MAP7: variants seen among roughly 807,000 people sequenced by gnomAD.
MAP7 encodes ensconsin.
A neutral mutation model predicts 94.8 loss-of-function variants in MAP7; 52 were observed. That is an observed-to-expected ratio of 0.55 (90% CI 0.44 to 0.69). MAP7 has a LOEUF of 0.69. MAP7 is among the 30% of genes least tolerant of loss of function. The pLI, the probability that MAP7 is intolerant of heterozygous loss-of-function variation, is 0.00. For synonymous variants in MAP7, 350 were observed against 357.0 expected, an observed-to-expected ratio of 0.98 and a Z score of 0.22; for missense variants, 940 against 964.6, an observed-to-expected ratio of 0.97 and a Z score of 0.34.
intron 1 of MAP7, among the ~76,000 whole-genome samples, chr6:136,532,066 T>C (rs1301613939): frequency 6.6e-6 from 1 of 151,884 alleles, no homozygotes; most frequent in East Asian, 2.0e-4. Context: ...AACATATCTT[T>C]TTATATGTAA....
intron 15 of MAP7, among the ~76,000 whole-genome samples, chr6:136,359,311 T>C (rs753842645): frequency 2.0e-5 from 3 of 152,124 alleles, no homozygotes; most frequent in Admixed American, 6.5e-5. Context: ...AATAAGAATT[T>C]CAACAAATTT....
intron 16 of MAP7, among the ~76,000 whole-genome samples, chr6:136,352,273 G>A (rs1402387969): frequency 6.7e-6 from 1 of 150,174 alleles, no homozygotes; most frequent in African/African-American, 2.5e-5. Flanking sequence ...CTGCAGCCTC[G>A]ACCTCCTGAG....
chr6:136,505,152 A>G (rs1323997992), intron 1 of MAP7, among the ~76,000 whole-genome samples: 1 of 151,146 alleles, frequency 6.6e-6, no homozygotes, highest in Admixed American at 6.6e-5. Context: ...TAATCTTACA[A>G]CAAGGTATAA....
chr6:136,493,720 G>A (rs1017172495), intron 1 of MAP7, among the ~76,000 whole-genome samples: 1 of 152,062 alleles, frequency 6.6e-6, no homozygotes, highest in Non-Finnish European at 1.5e-5. Flanking sequence ...AACCCATACC[G>A]AGAGCATTGT....
At chr6:136,427,939 G>T (rs912958442) in intron 1 of MAP7, among the ~76,000 whole-genome samples, 1 of 152,170 alleles carries the variant, frequency 6.6e-6, no homozygotes, top group Admixed American at 6.5e-5. Flanking sequence ...GATAGAAAAT[G>T]ATATTAAACC....
chr6:136,458,806 G>GA (rs2128906705), intron 1 of MAP7, among the ~76,000 whole-genome samples: 1 of 151,970 alleles, frequency 6.6e-6, no homozygotes, highest in South Asian at 2.1e-4. Flanking sequence ...AAAACTTCTA[G>GA]AAAAAAAGAT....
chr6:136,470,252 C>T (rs1435526310), intron 1 of MAP7, among the ~76,000 whole-genome samples: 3 of 151,920 alleles, frequency 2.0e-5, no homozygotes, highest in Non-Finnish European at 4.4e-5. Context: ...AAAACGGGAA[C>T]TCTGAAGTTG....
intron 1 of MAP7, among the ~76,000 whole-genome samples, chr6:136,460,829 C>CCCA (rs1804958010): frequency 6.6e-6 from 1 of 152,010 alleles, no homozygotes. Flanking sequence ...CTGCTTTAAA[C>CCCA]CCACAGAACA....
chr6:136,382,523 A>G (rs1012677477), intron 6 of MAP7, among the ~76,000 whole-genome samples: 2 of 152,244 alleles, frequency 1.3e-5, no homozygotes, highest in Admixed American at 1.3e-4. Context: ...CACAATATTT[A>G]TGAAAGGCCC....
chr6:136,504,539 T>C (rs577774614), intron 1 of MAP7, among the ~76,000 whole-genome samples: 1 of 151,966 alleles, frequency 6.6e-6, no homozygotes, highest in African/African-American at 2.4e-5. Flanking sequence ...GAGACAGGGG[T>C]TCACCATGTT....
intron 1 of MAP7, among the ~76,000 whole-genome samples, chr6:136,455,506 T>C (rs1282659046): frequency 6.6e-6 from 1 of 152,100 alleles, no homozygotes; most frequent in Admixed American, 6.5e-5. Context: ...ATATATAGAA[T>C]ATTTCACCTC....
chr6:136,385,292 C>A (rs575774979), intron 5 of MAP7, among the ~76,000 whole-genome samples: 1 of 152,016 alleles, frequency 6.6e-6, no homozygotes, highest in African/African-American at 2.4e-5. Context: ...CACTTCTGTG[C>A]CTCAAATTTA....
At chr6:136,506,872 C>G (rs1408148096) in intron 1 of MAP7, among the ~76,000 whole-genome samples, 1 of 152,222 alleles carries the variant, frequency 6.6e-6, no homozygotes, top group South Asian at 2.1e-4. Context: ...AGCGGCCATA[C>G]TTCAATCACT....
chr6:136,507,120 T>C (rs896241266), intron 1 of MAP7, among the ~76,000 whole-genome samples: 1 of 152,082 alleles, frequency 6.6e-6, no homozygotes, highest in Non-Finnish European at 1.5e-5. Context: ...GAATTTAACT[T>C]TTCTGGAGTT....
intron 1 of MAP7, among the ~76,000 whole-genome samples, chr6:136,424,659 C>A (rs1273816051): frequency 6.6e-6 from 1 of 152,246 alleles, no homozygotes; most frequent in Non-Finnish European, 1.5e-5. Flanking sequence ...CAACGTCTTC[C>A]CACAAAGGCC....
chr6:136,476,940 G>A (rs959243409), intron 1 of MAP7, among the ~76,000 whole-genome samples: 1 of 152,094 alleles, frequency 6.6e-6, no homozygotes, highest in Non-Finnish European at 1.5e-5. Flanking sequence ...AATGTGGAAG[G>A]AATTAATTTT....
intron 1 of MAP7, among the ~76,000 whole-genome samples, chr6:136,470,448 C>G (rs536614675): frequency 1.8e-4 from 27 of 152,054 alleles, no homozygotes; most frequent in Non-Finnish European, 3.1e-4. Flanking sequence ...ACTTCCATCA[C>G]CTCCCATAGT....
intron 1 of MAP7, among the ~76,000 whole-genome samples, chr6:136,504,165 T>C (rs1337853300): frequency 6.6e-6 from 1 of 152,114 alleles, no homozygotes; most frequent in Non-Finnish European, 1.5e-5. Flanking sequence ...GATGTATTAT[T>C]TATAGATATA....
chr6:136,528,433 T>C (rs1583150670), intron 1 of MAP7, among the ~76,000 whole-genome samples: 1 of 152,236 alleles, frequency 6.6e-6, no homozygotes, highest in East Asian at 1.9e-4. Flanking sequence ...TACATCAATA[T>C]CATACTATTT....
Sources: allele counts gnomAD v4.1 joint callset (sites outside exome capture counted in the v4.1 genomes callset), GRCh38; gene constraint gnomAD v4.1.1; transcripts MANE v1.5; gene names NCBI Gene and HGNC (gene_info 2026-07-23, HGNC 2026-07-21).